Variants in TFDP2 observed in about 807,000 individuals in gnomAD.
The protein encoded by TFDP2 is transcription factor Dp-2, also known as transcription factor Dp-2 (E2F dimerization partner 2).
A neutral mutation model predicts 59.3 loss-of-function variants in TFDP2; 17 were observed. The observed-to-expected ratio is 0.29, with a 90% CI of 0.20 to 0.43. TFDP2 has a LOEUF of 0.43. Ranked by LOEUF, TFDP2 falls within the 20% of genes least tolerant of loss-of-function variation. The pLI is 1.00. For missense variants in TFDP2, 391 were observed against 528.8 expected, an observed-to-expected ratio of 0.74 and a Z score of 2.56; for synonymous variants, 180 against 194.7, an observed-to-expected ratio of 0.92 and a Z score of 0.63.
intron 1 of TFDP2, among the ~76,000 whole-genome samples, chr3:142,129,253 C>CCT (rs1217222760): frequency 1.3e-5 from 2 of 151,672 alleles, no homozygotes; most frequent in Non-Finnish European, 2.9e-5. Context: ...AATGTCTCTG[C>CCT]CTAGCTACAG....
At chr3:141,976,544 C>A (rs1940666265) in intron 7 of TFDP2, among the ~76,000 whole-genome samples, 1 of 152,078 alleles carries the variant, frequency 6.6e-6, no homozygotes. Context: ...GATCACAAGG[C>A]AGGGAGAGAG....
intron 3 of TFDP2, among the ~76,000 whole-genome samples, chr3:142,016,103 C>A (rs1334485871): frequency 1.3e-5 from 2 of 152,052 alleles, no homozygotes; most frequent in Non-Finnish European, 2.9e-5. Context: ...CCTCCATCTC[C>A]TGGGTTCGAG....
chr3:141,978,682 A>C lies in TFDP2; in HGVS notation c.357T>G (p.Ser119Arg). Residue 119 changes from serine to arginine, a missense_variant and splice_region_variant, in exon 7 of 13, where the codon AGT becomes AGG. Physicochemically the swap from Ser to Arg is moderately radical, Grantham distance 110. Coordinates refer to ENST00000489671, the MANE Select transcript of TFDP2 (RefSeq NM_001178139.2). The part of the protein sequence containing the change: ...RKFIDSDFSE[S>R]KRSKKGDKNG... ...TTTTATCTCCTTTTTTGCTTCGTTTACTAGAAGGGAAAAAAGTTTTTTTTA... is the reference window on the plus strand; with the variant it reads ...TTTTATCTCCTTTTTTGCTTCGTTTCCTAGAAGGGAAAAAAGTTTTTTTTA... The C allele has an allele frequency of 1.9e-6, 3 of 1,596,568 alleles. No homozygotes were observed. The highest frequency in any genetic ancestry group is 2.6e-6 in the Non-Finnish European group (3 of 1,174,856).
chr3:142,099,942 G>A (rs929563174), intron 2 of TFDP2, among the ~76,000 whole-genome samples: 1 of 152,072 alleles, frequency 6.6e-6, no homozygotes, highest in African/African-American at 2.4e-5. Context: ...GTCAAATACT[G>A]AGAAGTCTCT....
At chr3:142,043,952 C>T in intron 3 of TFDP2, 2 of 772,554 alleles carry the variant, frequency 2.6e-6, no homozygotes, top group East Asian at 2.5e-5. Flanking sequence ...TTGGCTGTAC[C>T]CTTCCGCTTA....
At chr3:142,145,140 A>T (rs554366636) in intron 1 of TFDP2, among the ~76,000 whole-genome samples, 1 of 152,332 alleles carries the variant, frequency 6.6e-6, no homozygotes, top group South Asian at 2.1e-4. Context: ...TAAATTTATC[A>T]ATGAACTGGA....
At chr3:142,022,041 C>A (rs1294133985) in intron 3 of TFDP2, among the ~76,000 whole-genome samples, 1 of 152,160 alleles carries the variant, frequency 6.6e-6, no homozygotes, top group Non-Finnish European at 1.5e-5. Context: ...TTTTCTTCCA[C>A]CTGCTCAACT....
At chr3:142,036,733 C>T (rs112930929) in intron 3 of TFDP2, among the ~76,000 whole-genome samples, 1 of 152,312 alleles carries the variant, frequency 6.6e-6, no homozygotes, top group African/African-American at 2.4e-5. Flanking sequence ...CTACCTTGGC[C>T]TTCTTTCCAG....
intron 1 of TFDP2, among the ~76,000 whole-genome samples, chr3:142,131,151 C>T (rs909215013): frequency 6.7e-6 from 1 of 149,030 alleles, no homozygotes; most frequent in Non-Finnish European, 1.5e-5. Flanking sequence ...AAAAAGATGA[C>T]GTGTCTCTAT....
chr3:142,081,917 T>C (rs1030520837), intron 3 of TFDP2, among the ~76,000 whole-genome samples: 4 of 152,262 alleles, frequency 2.6e-5, no homozygotes, highest in Admixed American at 2.6e-4. Context: ...AGAACTGATA[T>C]CCATCTTACT....
At chr3:142,119,577 T>C (rs941996250) in intron 1 of TFDP2, among the ~76,000 whole-genome samples, 1 of 152,174 alleles carries the variant, frequency 6.6e-6, no homozygotes, top group South Asian at 2.1e-4. Context: ...TTGATCAACA[T>C]AGAAAATATA....
chr3:142,017,308 A>T (rs914544913), intron 3 of TFDP2, among the ~76,000 whole-genome samples: 1 of 152,206 alleles, frequency 6.6e-6, no homozygotes, highest in Admixed American at 6.5e-5. Context: ...AGGTGTCTCC[A>T]ACACTAGCAT....
chr3:142,100,712 T>C (rs926127842), intron 2 of TFDP2, among the ~76,000 whole-genome samples: 1 of 150,878 alleles, frequency 6.6e-6, no homozygotes, highest in African/African-American at 2.4e-5. Context: ...CTGAACAGGC[T>C]GGTCCCCTAA....
At chr3:142,058,821 T>C (rs1436247008) in intron 3 of TFDP2, among the ~76,000 whole-genome samples, 12 of 152,120 alleles carry the variant, frequency 7.9e-5, no homozygotes, top group Non-Finnish European at 1.3e-4. Context: ...TTATAGAGGT[T>C]TCCTTATGTA....
At position 141,944,577 on chromosome 3, in the gene TFDP2, G is replaced by C. The variant is rs1473675979; in HGVS notation, c.*7936C>G. The C allele has an allele frequency of 6.6e-6, 1 of 151,764 alleles. No individual in the cohort carries two copies. Among genetic ancestry groups the C allele is most frequent in the Non-Finnish European group, 1.5e-5 (1 of 67,942 alleles). 9.4% of individuals were successfully genotyped at this position (151,764 alleles called of 1,614,324 possible). On this transcript the variant is annotated 3_prime_UTR_variant, in exon 13 of 13. Coordinates refer to ENST00000489671, the MANE Select transcript of TFDP2 (RefSeq NM_001178139.2). ...GGATGGACAAAGATACACTTTAATGGACAAAAAACACCAGAGTTCATTACA... is the reference window on the plus strand; with the variant it reads ...GGATGGACAAAGATACACTTTAATGCACAAAAAACACCAGAGTTCATTACA...
intron 1 of TFDP2, among the ~76,000 whole-genome samples, chr3:142,111,032 T>C (rs965742833): frequency 1.3e-5 from 2 of 152,100 alleles, no homozygotes; most frequent in African/African-American, 4.8e-5. Flanking sequence ...CCTGCCTTCA[T>C]GGAGCCTATA....
intron 1 of TFDP2, among the ~76,000 whole-genome samples, chr3:142,113,253 T>TATTTATTTATTTA (rs142413325): frequency 0.069 from 10,493 of 152,070 alleles, 455 homozygotes; most frequent in Non-Finnish European, 0.11. Flanking sequence ...GACATTTATT[T>TATTTATTTATTTA]TTTATTTATT....
At chr3:141,953,715 C>T (rs914204483) in intron 11 of TFDP2, among the ~76,000 whole-genome samples, 7 of 151,634 alleles carry the variant, frequency 4.6e-5, no homozygotes, top group Non-Finnish European at 8.8e-5. Flanking sequence ...ATGTGCCATG[C>T]TGGTGTGCTG....
chr3:141,993,416 A>T (rs936085064), intron 6 of TFDP2, 122 bp downstream of exon 6: 1 of 566,494 alleles, frequency 1.8e-6, no homozygotes, highest in African/African-American at 1.9e-5. Context: ...AATAATGGCA[A>T]GAACTGAAAG....
Sources: gnomAD v4.1 joint callset for allele counts (sites outside exome capture counted in the v4.1 genomes callset) on GRCh38, gnomAD v4.1.1 for gene constraint, MANE v1.5 for transcripts, NCBI Gene and HGNC (gene_info 2026-07-23, HGNC 2026-07-21) for gene names.